OPCML: variants seen among roughly 807,000 people sequenced by gnomAD.
The protein encoded by OPCML is opioid-binding protein/cell adhesion molecule.
In OPCML, 13 loss-of-function variants were observed where a neutral mutation model predicts 37.8. The ratio of observed to expected loss-of-function variants is 0.34; its 90% CI spans 0.22 to 0.55. The LOEUF (loss-of-function observed/expected upper bound fraction) is 0.55, where lower values mean the gene tolerates loss of function less well. Ranked by LOEUF, OPCML falls within the 20% of genes least tolerant of loss-of-function variation. OPCML has a pLI of 0.91. For synonymous variants in OPCML, 176 were observed against 168.8 expected (o/e 1.04, Z -0.33); for missense variants, 341 against 435.6 (o/e 0.78, Z 1.93).
intron 1 of OPCML, among the ~76,000 whole-genome samples, chr11:132,978,794 T>C (rs11223309): frequency 0.15 from 22,602 of 151,952 alleles, 1,940 homozygotes; most frequent in Non-Finnish European, 0.19. Flanking sequence ...GTGTAGATTA[T>C]ACATGTGTAT....
chr11:133,482,911 T>A (rs1035466645), intron 1 of OPCML, among the ~76,000 whole-genome samples: 5 of 152,094 alleles, frequency 3.3e-5, no homozygotes, highest in Non-Finnish European at 5.9e-5. Context: ...AAAAAATATA[T>A]ACATTTGATC....
intron 2 of OPCML, among the ~76,000 whole-genome samples, chr11:132,688,218 A>G (rs1382034741): frequency 6.6e-6 from 1 of 152,202 alleles, no homozygotes; most frequent in Non-Finnish European, 1.5e-5. Context: ...AAACAAACAA[A>G]AAACCCACAT....
chr11:132,429,769 T>G (rs2095990089), intron 7 of OPCML, among the ~76,000 whole-genome samples: 1 of 152,126 alleles, frequency 6.6e-6, no homozygotes, highest in South Asian at 2.1e-4. Context: ...ATTAAATGAT[T>G]CTGGGGCAAG....
chr11:133,137,861 G>C (rs1949714330), intron 1 of OPCML, among the ~76,000 whole-genome samples: 1 of 152,204 alleles, frequency 6.6e-6, no homozygotes, highest in African/African-American at 2.4e-5. Context: ...TCGACATCCA[G>C]TGAAAGTGTG....
intron 3 of OPCML, among the ~76,000 whole-genome samples, chr11:132,549,489 C>T (rs536011269): frequency 1.3e-5 from 2 of 152,306 alleles, no homozygotes; most frequent in South Asian, 2.1e-4. Context: ...CCTTTACATT[C>T]GTAATACACT....
chr11:132,631,707 A>C (rs940100659), intron 3 of OPCML, among the ~76,000 whole-genome samples: 1 of 152,020 alleles, frequency 6.6e-6, no homozygotes, highest in Non-Finnish European at 1.5e-5. Context: ...CAAGAAAAAT[A>C]TATTCACATT....
At chr11:132,808,995 G>T (rs982460636) in intron 2 of OPCML, among the ~76,000 whole-genome samples, 1 of 151,764 alleles carries the variant, frequency 6.6e-6, no homozygotes, top group Non-Finnish European at 1.5e-5. Context: ...GGGGCGGGGG[G>T]GTTGCTTTTT....
intron 1 of OPCML, among the ~76,000 whole-genome samples, chr11:133,249,681 T>G (rs1941062491): frequency 6.6e-6 from 1 of 152,190 alleles, no homozygotes; most frequent in African/African-American, 2.4e-5. Context: ...AAACTTCATC[T>G]GCCAGAGCTG....
In OPCML at chr11:132,418,828, C is replaced by T. The variant is rs1057068253; in HGVS notation, c.*1365G>A. On this transcript the variant is annotated 3_prime_UTR_variant, in exon 8 of 8. Transcript: ENST00000524381. ...GCCAGCCATAGGTTCCTGACATGTA[C>T]TTTCTTGAAGGGTTGAGAGAAGCAT... The T allele has an allele frequency of 1.3e-5, 2 of 152,608 alleles. No homozygotes were observed. Among genetic ancestry groups the T allele is most frequent in the African/African-American group, 4.8e-5 (2 of 41,448 alleles). The allele number at this position is 152,608 out of a possible 1,614,324, so 9.5% of individuals were successfully genotyped here.
intron 1 of OPCML, among the ~76,000 whole-genome samples, chr11:133,243,961 G>C (rs994832076): frequency 1.3e-5 from 2 of 152,184 alleles, no homozygotes; most frequent in Non-Finnish European, 2.9e-5. Flanking sequence ...GGCATCGAGG[G>C]AGCTGCTTTG....
At chr11:133,050,577 C>A (rs534689447) in intron 1 of OPCML, among the ~76,000 whole-genome samples, 44 of 152,224 alleles carry the variant, frequency 2.9e-4, no homozygotes, top group African/African-American at 9.1e-4. Context: ...GGAGGACTTG[C>A]TTTGGAGTCC....
intron 2 of OPCML, among the ~76,000 whole-genome samples, chr11:132,740,924 G>A (rs1466639274): frequency 6.6e-6 from 1 of 152,150 alleles, no homozygotes; most frequent in Non-Finnish European, 1.5e-5. Context: ...ATAACGGTAT[G>A]CAGCACCGAA....
chr11:132,692,635 T>C (rs1943447757), intron 2 of OPCML, among the ~76,000 whole-genome samples: 1 of 152,172 alleles, frequency 6.6e-6, no homozygotes, highest in Admixed American at 6.6e-5. Context: ...CTTCAAAATG[T>C]TGAGCTTCCG....
intron 2 of OPCML, among the ~76,000 whole-genome samples, chr11:132,735,969 A>C (rs1395506061): frequency 6.6e-6 from 1 of 152,194 alleles, no homozygotes; most frequent in African/African-American, 2.4e-5. Flanking sequence ...AGGTAAAATC[A>C]AGAGCCCAGA....
At chr11:132,603,685 T>C (rs1333941180) in intron 3 of OPCML, among the ~76,000 whole-genome samples, 2 of 152,180 alleles carry the variant, frequency 1.3e-5, no homozygotes, top group Non-Finnish European at 2.9e-5. Flanking sequence ...CTTATCATAG[T>C]GTATAAATGG....
intron 1 of OPCML, chr11:133,006,834 G>A: frequency 3.0e-6 from 3 of 985,442 alleles, no homozygotes; most frequent in Non-Finnish European, 3.6e-6. Flanking sequence ...GGGTAACTGG[G>A]CATGAAGTGC....
chr11:132,843,700 T>C (rs1941397361), intron 2 of OPCML, among the ~76,000 whole-genome samples: 1 of 152,162 alleles, frequency 6.6e-6, no homozygotes, highest in Non-Finnish European at 1.5e-5. Context: ...TCATCACTGT[T>C]ATTGAGATTG....
At position 132,420,408 on chromosome 11, in the gene OPCML, T is replaced by C. The variant is rs2095954194; in HGVS notation, c.917-115A>G. On this transcript the variant is annotated intron_variant, in intron 7 of 7. Coordinates refer to ENST00000524381, the MANE Select transcript of OPCML (RefSeq NM_001012393.5). ...CCACCTTCCACCCTTCCGCTGACCA[T>C]TCCAAGTCTAAACAAAGGAAAAAGC... 4 of 1,451,992 alleles carry C rather than the reference T, an allele frequency of 2.8e-6. No individual in the cohort carries two copies. The African/African-American group carries it at 4.3e-5, about 16-fold the overall frequency. 89.9% of individuals were successfully genotyped at this position (1,451,992 alleles called of 1,614,324 possible).
intron 1 of OPCML, among the ~76,000 whole-genome samples, chr11:133,232,590 C>T (rs970196074): frequency 1.3e-5 from 2 of 152,088 alleles, no homozygotes; most frequent in Non-Finnish European, 2.9e-5. Context: ...AAAAAACCAC[C>T]TCACTCTTCA....
Sources: allele counts gnomAD v4.1 joint callset (sites outside exome capture counted in the v4.1 genomes callset), GRCh38; gene constraint gnomAD v4.1.1; transcripts MANE v1.5; gene names NCBI Gene and HGNC (gene_info 2026-07-23, HGNC 2026-07-21).